The following CMIP variants were observed in gnomAD, a reference collection of about 807,000 sequenced individuals.
CMIP encodes the protein C-Maf-inducing protein.
A neutral mutation model predicts 97.3 loss-of-function variants in CMIP; 13 were observed. That is an observed-to-expected ratio of 0.13 (90% CI 0.09 to 0.21). The LOEUF (loss-of-function observed/expected upper bound fraction) is 0.21, where lower values mean the gene tolerates loss of function less well. Ranked by LOEUF, CMIP falls within the 10% of genes least tolerant of loss-of-function variation. The pLI, the probability that CMIP is intolerant of heterozygous loss-of-function variation, is 1.00. For synonymous variants in CMIP, 538 were observed against 436.3 expected, an observed-to-expected ratio of 1.23 and a Z score of -2.91; for missense variants, 847 against 1,024.9, an observed-to-expected ratio of 0.83 and a Z score of 2.37.
intron 13 of CMIP, among the ~76,000 whole-genome samples, chr16:81,694,426 G>A (rs942596076): frequency 1.3e-5 from 2 of 152,214 alleles, no homozygotes; most frequent in African/African-American, 4.8e-5. Context: ...TACTGAACTG[G>A]CTGGACTTAG....
chr16:81,446,787 C>T (rs972004887), intron 1 of CMIP, among the ~76,000 whole-genome samples: 4 of 152,110 alleles, frequency 2.6e-5, no homozygotes, highest in African/African-American at 9.7e-5. Flanking sequence ...ATGACACATG[C>T]CCCAAGGAAT....
chr16:81,520,476 G>C (rs1242257212), intron 1 of CMIP: 1 of 151,710 alleles, frequency 6.6e-6, no homozygotes, highest in East Asian at 1.9e-4. Flanking sequence ...CAAGGTAGGA[G>C]GATCATTTGA....
At chr16:81,670,988 CTGGCTAATTTT>C (rs1011354306) in intron 8 of CMIP, among the ~76,000 whole-genome samples, 3 of 152,126 alleles carry the variant, frequency 2.0e-5, no homozygotes, top group African/African-American at 7.2e-5. Context: ...GTTACGACTC[CTGGCTAATTTT>C]TGTATTTTTA....
At chr16:81,554,900 C>A (rs951944390) in intron 1 of CMIP, among the ~76,000 whole-genome samples, 2 of 152,182 alleles carry the variant, frequency 1.3e-5, no homozygotes, top group Non-Finnish European at 2.9e-5. Context: ...CTTTAATCTT[C>A]AGCAAATTGA....
intron 1 of CMIP, among the ~76,000 whole-genome samples, chr16:81,539,537 C>T (rs2090409554): frequency 6.6e-6 from 1 of 152,212 alleles, no homozygotes; most frequent in African/African-American, 2.4e-5. Context: ...TTAGGAAACA[C>T]TCCTTGTTCT....
At chr16:81,654,173 C>T (rs571552624) in intron 4 of CMIP, among the ~76,000 whole-genome samples, 63 of 152,282 alleles carry the variant, frequency 4.1e-4, no homozygotes, top group African/African-American at 1.5e-3. Context: ...TTTTTTTCCC[C>T]TCTCAGATGT....
intron 1 of CMIP, among the ~76,000 whole-genome samples, chr16:81,503,596 T>C (rs1158751593): frequency 2.0e-5 from 3 of 152,176 alleles, no homozygotes. Flanking sequence ...CAGGTCTCTC[T>C]GTGTTGCTGA....
intron 5 of CMIP, 56 bp downstream of exon 5, chr16:81,657,872 A>G (rs1376719586): frequency 3.5e-6 from 5 of 1,436,984 alleles, no homozygotes; most frequent in Non-Finnish European, 4.8e-6. Flanking sequence ...GGAGCCTACA[A>G]CCCTTTTCCT....
chr16:81,460,450 A>G (rs867873144), intron 1 of CMIP, among the ~76,000 whole-genome samples: 29 of 152,100 alleles, frequency 1.9e-4, no homozygotes, highest in Admixed American at 3.9e-4. Context: ...ATGGGGGAGA[A>G]ATGAAGTGAC....
intron 1 of CMIP, among the ~76,000 whole-genome samples, chr16:81,571,994 A>C (rs149657457): frequency 6.6e-6 from 1 of 152,304 alleles, no homozygotes; most frequent in African/African-American, 2.4e-5. Context: ...GAAGAGTTGC[A>C]TCATGAGACC....
intron 9 of CMIP, among the ~76,000 whole-genome samples, chr16:81,678,016 G>T (rs1904445113): frequency 1.3e-5 from 2 of 152,228 alleles, no homozygotes; most frequent in South Asian, 2.1e-4. Flanking sequence ...TTGAGCACCT[G>T]TTATGTGCTG....
chr16:81,681,541 C>G (rs191062616), intron 10 of CMIP, among the ~76,000 whole-genome samples: 323 of 152,310 alleles, frequency 2.1e-3, no homozygotes, highest in African/African-American at 7.6e-3. Context: ...GAGTGCCTGG[C>G]GCAGAGCAGA....
rs75655602 is a variant in CMIP, at chr16:81,569,188, C to T, written c.301-38379C>T. Among the ~76,000 whole-genome samples, 493 of 152,328 alleles carry T rather than the reference C, an allele frequency of 3.2e-3. 5 individuals are homozygous for T. The highest frequency in any genetic ancestry group is 0.011 in the African/African-American group (475 of 41,556). Reference sequence around the variant, plus strand: ...CACCTGGTTCTCTCTCCCCATCACCCTGTATCCCTTGAGAATATCTGTAGT... The same window carrying T: ...CACCTGGTTCTCTCTCCCCATCACCTTGTATCCCTTGAGAATATCTGTAGT... On this transcript the variant is annotated intron_variant, in intron 1 of 20. Coordinates refer to ENST00000537098, the MANE Select transcript of CMIP (RefSeq NM_198390.3).
intron 2 of CMIP, among the ~76,000 whole-genome samples, chr16:81,615,607 GTCTT>G (rs2091905995): frequency 6.7e-6 from 1 of 148,824 alleles, no homozygotes; most frequent in Non-Finnish European, 1.5e-5. Context: ...TGGTGTATGT[GTCTT>G]TGTGTGGTGT....
chr16:81,676,821 A>G (rs1373518061), intron 9 of CMIP, among the ~76,000 whole-genome samples: 1 of 147,314 alleles, frequency 6.8e-6, no homozygotes, highest in African/African-American at 2.5e-5. Context: ...CCCTTCCCCC[A>G]GCTGCAACAA....
At chr16:81,552,415 T>A (rs1245591926) in intron 1 of CMIP, among the ~76,000 whole-genome samples, 1 of 151,986 alleles carries the variant, frequency 6.6e-6, no homozygotes, top group Admixed American at 6.6e-5. Context: ...CCAAAACAGA[T>A]CCCCCTGGGC....
At chr16:81,587,861 C>T (rs1322422784) in intron 1 of CMIP, among the ~76,000 whole-genome samples, 1 of 152,226 alleles carries the variant, frequency 6.6e-6, no homozygotes, top group Admixed American at 6.5e-5. Context: ...GAAAGGTGGC[C>T]AGGTCCGTGT....
chr16:81,547,457 C>G (rs950706722), intron 1 of CMIP, among the ~76,000 whole-genome samples: 3 of 152,134 alleles, frequency 2.0e-5, no homozygotes, highest in Non-Finnish European at 4.4e-5. Context: ...GCACGCTGAG[C>G]AGAGGGTCCC....
intron 3 of CMIP, chr16:81,631,345 T>G (rs2092155955): frequency 6.6e-6 from 1 of 152,194 alleles, no homozygotes. Flanking sequence ...ATGGGCCTTT[T>G]GGCCTCTTCC....
Sources: allele counts gnomAD v4.1 joint callset (sites outside exome capture counted in the v4.1 genomes callset), GRCh38; gene constraint gnomAD v4.1.1; transcripts MANE v1.5; gene names NCBI Gene and HGNC (gene_info 2026-07-23, HGNC 2026-07-21).